Variants in NR1I3 observed in about 807,000 individuals in gnomAD.
The protein encoded by NR1I3 is nuclear receptor subfamily 1 group I member 3, also known as constitutive activator of retinoid response.
Under a neutral mutation model 38.4 loss-of-function variants are expected in NR1I3, and 30 were observed. The observed-to-expected ratio is 0.78, with a 90% CI of 0.58 to 1.06. The LOEUF (loss-of-function observed/expected upper bound fraction) is 1.06. NR1I3 is among the 50% of genes least tolerant of loss of function. The probability of loss-of-function intolerance (pLI) is 0.00; values close to 1 mark genes in which losing one functional copy is unlikely to be tolerated. For synonymous variants in NR1I3, 143 were observed against 165.1 expected, an observed-to-expected ratio of 0.87 and a Z score of 1.03; for missense variants, 388 against 435.7, an observed-to-expected ratio of 0.89 and a Z score of 0.97.
At position 161,232,898 on chromosome 1, in the gene NR1I3, G is replaced by T; in HGVS notation, c.457C>A (p.Pro153Thr). 6.2e-7 allele frequency: 1 copy of T among 1,614,226 alleles called. No homozygotes were observed. ...AAGTGTGTGACCAGAGGCAGCACAGGGGCCAGGGTGGGCAAGGGCTGGTGA... is the reference window on the plus strand; with the variant it reads ...AAGTGTGTGACCAGAGGCAGCACAGTGGCCAGGGTGGGCAAGGGCTGGTGA... ...IHHQPLPTLA[P>T]VLPLVTHFAD... The change falls in exon 5 of 9, where the codon CCT becomes ACT. Residue 153 changes from proline to threonine, a missense_variant. Coordinates refer to ENST00000367983, the MANE Select transcript of NR1I3 (RefSeq NM_005122.5).
intron 8 of NR1I3, chr1:161,230,405 C>G (rs1446300601): frequency 2.7e-6 from 1 of 376,014 alleles, no homozygotes; most frequent in Non-Finnish European, 4.8e-6. Flanking sequence ...GTGAATGGCC[C>G]TAACTTCAAG....
At position 161,235,993 on chromosome 1, in the gene NR1I3, A is replaced by T. The variant is rs748276768; in HGVS notation, c.108-16T>A. ...GACTGTTCTCCTGTGAGACACAGAGATGTTGTTAGAGTCTGGGATGCAATG... is the reference window on the plus strand; with the variant it reads ...GACTGTTCTCCTGTGAGACACAGAGTTGTTGTTAGAGTCTGGGATGCAATG... On this transcript the variant is annotated splice_polypyrimidine_tract_variant and intron_variant, in intron 2 of 8. Transcript: ENST00000367983. 6.4e-7 allele frequency: 1 copy of T among 1,573,350 alleles called. No individual in the cohort carries two copies. The highest frequency in any genetic ancestry group is 1.2e-5 in the South Asian group (1 of 83,508).
intron 8 of NR1I3, chr1:161,230,411 T>G: frequency 1.3e-5 from 5 of 381,004 alleles, no homozygotes; most frequent in Non-Finnish European, 2.4e-5. Context: ...GGCCCTAACT[T>G]CAAGGGAAAT....
Position 161,229,903 on chromosome 1 carries a change from C to A in NR1I3, c.941G>T (p.Gly314Val). 6.2e-7 allele frequency: 1 copy of A among 1,614,118 alleles called. No homozygotes were observed. Among genetic ancestry groups the A allele is most frequent in the South Asian group, 1.1e-5 (1 of 91,078 alleles). ...RDRFLYAKLL[G>V]LLAELRSINE... The stretch of plus-strand genomic sequence containing the variant: ...AATGCTCCGGAGCTCAGCCAGCAGG[C>A]CTAGCAACTTCGCATACAGAAACCT... The change falls in exon 9 of 9, where the codon GGC becomes GTC. Residue 314 changes from glycine to valine, a missense_variant. By Grantham distance (109) the Gly-to-Val change is moderately radical. Coordinates refer to ENST00000367983, the MANE Select transcript of NR1I3 (RefSeq NM_005122.5).
At chr1:161,233,989 G>GTTTGT (rs776721648) in intron 3 of NR1I3, among the ~76,000 whole-genome samples, 2 of 144,256 alleles carry the variant, frequency 1.4e-5, no homozygotes, top group South Asian at 2.2e-4. Flanking sequence ...ATATTTTTTT[G>GTTTGT]TTTGTTTTGT....
intron 3 of NR1I3, among the ~76,000 whole-genome samples, chr1:161,234,976 C>T (rs1668265438): frequency 6.6e-6 from 1 of 152,030 alleles, no homozygotes; most frequent in Non-Finnish European, 1.5e-5. Flanking sequence ...CTCATCTCTA[C>T]TAAAAATACA....
At chr1:161,236,703 G>T in intron 1 of NR1I3, 105 bp from the exon 2 acceptor site, 1 of 1,127,084 alleles carries the variant, frequency 8.9e-7, no homozygotes, top group South Asian at 1.7e-5. Flanking sequence ...CCCTTGACTT[G>T]ATCCCTGGCG....
intron 8 of NR1I3, chr1:161,230,442 C>T (rs563704178): frequency 2.2e-4 from 95 of 440,480 alleles, no homozygotes; most frequent in Middle Eastern, 5.8e-4. Context: ...AGGAATTGGC[C>T]CAATGGCGAG....
rs759426392 is a variant in NR1I3, at chr1:161,231,119, G to A, written c.809C>T (p.Pro270Leu). The change falls in exon 7 of 9, where the codon CCT (proline) becomes CTT (leucine). Residue 270 changes from proline (P) to leucine (L), a missense_variant and splice_region_variant. Pro to Leu is a moderately conservative substitution (Grantham distance 98). Coordinates refer to ENST00000367983, the MANE Select transcript of NR1I3 (RefSeq NM_005122.5). ...VLLAAMALFS[P>L]DRPGVTQRDE... ...TCTGGGCTTTGGGAGGTGCTCACCA[G>A]GAGAGAAGAGGGCCATGGCAGCCAA... 1 of 1,614,170 alleles carries A rather than the reference G, an allele frequency of 6.2e-7. No homozygotes were observed. The highest frequency in any genetic ancestry group is 1.7e-5 in the Admixed American group (1 of 60,024).
chr1:161,233,861 G>A lies in NR1I3; in HGVS notation c.239-523C>T, dbSNP rs1226125372. 4.2e-4 allele frequency among the ~76,000 whole-genome samples: 60 copies of A among 144,434 alleles called. 1 individual carries two copies. The highest frequency in any genetic ancestry group is 1.5e-3 in the African/African-American group (53 of 36,230). 94.8% of individuals were successfully genotyped at this position (144,434 alleles called of 152,430 possible). A position where few individuals can be genotyped will look rare whatever the true frequency, so the allele number is the denominator to read the frequency against. Reference sequence around the variant, plus strand: ...TATGTGTGTGTGTGTGTGTGTGTGTGTGTGTGTGTGTGTGTGTGTGTGTGT... The same window carrying A: ...TATGTGTGTGTGTGTGTGTGTGTGTATGTGTGTGTGTGTGTGTGTGTGTGT... On this transcript the variant is annotated intron_variant, in intron 3 of 8. Transcript: ENST00000367983.
intron 3 of NR1I3, among the ~76,000 whole-genome samples, 187 bp from the exon 4 acceptor site, chr1:161,233,525 C>A (rs533756217): frequency 6.6e-6 from 1 of 152,224 alleles, no homozygotes; most frequent in East Asian, 1.9e-4. Flanking sequence ...GGCTCCTATA[C>A]ACTTCCACCA....
intron 3 of NR1I3, among the ~76,000 whole-genome samples, 169 bp from the exon 4 acceptor site, chr1:161,233,507 A>C (rs1667814560): frequency 6.6e-6 from 1 of 152,108 alleles, no homozygotes; most frequent in Admixed American, 6.5e-5. Context: ...AGGCTCCAGG[A>C]GGCAGGGGGC....
In NR1I3 at chr1:161,233,835, ATATGTGTGTGTGTG is replaced by A. The variant is rs1247599032; in HGVS notation, c.239-511_239-498del. On this transcript the variant is annotated intron_variant, in intron 3 of 8. Coordinates refer to ENST00000367983, the MANE Select transcript of NR1I3 (RefSeq NM_005122.5). ...GGCAGGGCTGGTATTCATCATATAT[ATATGTGTGTGTGTG>A]TGTGTGTGTGTGTGTGTGTGTGTGT... is the stretch of plus-strand genomic sequence containing the variant. Among the ~76,000 whole-genome samples the A allele has an allele frequency of 1.9e-4, 18 of 95,008 alleles. No individual in the cohort carries two copies. The East Asian group carries it at 2.5e-3, about 13-fold the overall frequency. The allele number at this position is 95,008 out of a possible 152,430, so 62.3% of individuals were successfully genotyped here.
chr1:161,235,775 A>T, intron 3 of NR1I3, 72 bp downstream of exon 3: 1 of 1,594,392 alleles, frequency 6.3e-7, no homozygotes, highest in Non-Finnish European at 8.6e-7. Flanking sequence ...CTATGTAGAG[A>T]ATGCACTGTT....
rs755439721 is a variant in NR1I3, at chr1:161,231,183, G to A, written c.745C>T (p.Leu249=). 2.1e-5 allele frequency: 34 copies of A among 1,613,986 alleles called. No individual in the cohort carries two copies. The highest frequency in any genetic ancestry group is 2.6e-5 in the Non-Finnish European group (31 of 1,180,044). ...GGCTCTTGGAGCTGCAGTTTTCGTA[G>A]TGTTCCATGGAAGTGAAAGAGCAAC... ...LELLFHFHGT[L]RKLQLQEPEY... is the part of the protein sequence containing the mutation. Residue 249 remains leucine (L), a synonymous_variant, in exon 7 of 9, where the codon CTA becomes TTA. Transcript: ENST00000367983.
intron 4 of NR1I3, 92 bp from the exon 5 acceptor site, chr1:161,233,038 A>C (rs1667707498): frequency 6.3e-7 from 1 of 1,584,702 alleles, no homozygotes; most frequent in Non-Finnish European, 8.6e-7. Context: ...CCTTGCTGAG[A>C]AGCCTGCTCA....
chr1:161,237,987 A>G, intron 1 of NR1I3, 54 bp downstream of exon 1: 1 of 1,537,446 alleles, frequency 6.5e-7, no homozygotes, highest in East Asian at 2.3e-5. Flanking sequence ...CCTAGCCCCC[A>G]GCATTATCTG....
chr1:161,235,070 G>C (rs1668279190), intron 3 of NR1I3, among the ~76,000 whole-genome samples: 1 of 151,854 alleles, frequency 6.6e-6, no homozygotes, highest in Admixed American at 6.6e-5. Flanking sequence ...GAACGCAGGA[G>C]GCGGAGGTTG....
chr1:161,234,156 CTAA>C, intron 3 of NR1I3, among the ~76,000 whole-genome samples: 1 of 148,902 alleles, frequency 6.7e-6, no homozygotes, highest in African/African-American at 2.5e-5. Context: ...TCACGCCCTG[CTAA>C]TTTTTTTTTT....
Sources: allele counts gnomAD v4.1 joint callset (sites outside exome capture counted in the v4.1 genomes callset), GRCh38; gene constraint gnomAD v4.1.1; transcripts MANE v1.5; gene names NCBI Gene and HGNC (gene_info 2026-07-23, HGNC 2026-07-21).